PACS2: variants seen among roughly 807,000 people sequenced by gnomAD.
PACS2 encodes the protein PACS1-like protein.
A neutral mutation model predicts 113.0 loss-of-function variants in PACS2; 36 were observed. The ratio of observed to expected loss-of-function variants is 0.32; its 90% CI spans 0.24 to 0.42. The LOEUF is 0.42. PACS2 is among the 10% of genes least tolerant of loss of function. PACS2 has a pLI of 1.00. For missense variants in PACS2, 1,015 were observed against 1,239.5 expected (o/e 0.82, Z 2.72); for synonymous variants, 589 against 536.1 (o/e 1.10, Z -1.36).
At position 105,348,386 on chromosome 14, in the gene PACS2, G is replaced by C; in HGVS notation, c.120-107G>C. 1.3e-6 allele frequency: 1 copy of C among 792,036 alleles called. No individual in the cohort carries two copies. The highest frequency in any genetic ancestry group is 2.1e-6 in the Non-Finnish European group (1 of 483,928). The allele number at this position is 792,036 out of a possible 1,614,324, so 49.1% of individuals were successfully genotyped here. A position where few individuals can be genotyped will look rare whatever the true frequency, so the allele number is the denominator to read the frequency against. ...CGCCCAGGCAGTCACACCCCGCCCT[G>C]CACCCCAGGGTGCAGGCTCCCGGGG... is the stretch of plus-strand genomic sequence containing the variant. On this transcript the variant is annotated intron_variant, in intron 1 of 24. Coordinates refer to ENST00000447393, the MANE Select transcript of PACS2 (RefSeq NM_001100913.3). The surrounding 1 kb of genome is among the most constrained non-coding windows in gnomAD (Gnocchi z 6.4).
In PACS2 at chr14:105,309,249, C is replaced by G. The variant is rs768907321; in HGVS notation, c.-83+8270C>G. On this transcript the variant is annotated intron_variant, in intron 1 of 23. Coordinates refer to the PACS2 transcript ENST00000430725. This position sits in a 1 kb window ranked among gnomAD's most constrained non-coding sequence, Gnocchi z 4.0. ...TTTATGCATCAAGGTCCCTCTTAAT[C>G]TTGGGGCTCAGGATAACCACAGTCA... 5.9e-5 allele frequency among the ~76,000 whole-genome samples: 9 copies of G among 152,194 alleles called. No homozygotes were observed. Among genetic ancestry groups the G allele is most frequent in the Non-Finnish European group, 8.8e-5 (6 of 68,040 alleles).
intron 8 of PACS2, among the ~76,000 whole-genome samples, chr14:105,374,416 A>G (rs1171752550): frequency 6.6e-6 from 1 of 152,226 alleles, no homozygotes; most frequent in Admixed American, 6.5e-5. Context: ...TATATGTGAT[A>G]AGGGGCTTGA....
At chr14:105,318,385 G>C (rs2140814214) in intron 1 of PACS2, among the ~76,000 whole-genome samples, 2 of 152,254 alleles carry the variant, frequency 1.3e-5, no homozygotes, top group Non-Finnish European at 2.9e-5. Context: ...GGCTCAAGCA[G>C]TCCTCCCACA....
upstream of PACS2, among the ~76,000 whole-genome samples, chr14:105,310,347 G>A (rs1023346849): frequency 1.3e-5 from 2 of 151,182 alleles, no homozygotes; most frequent in Non-Finnish European, 1.5e-5. Flanking sequence ...TGGCTAACAC[G>A]GTGAAACCCC....
At chr14:105,372,137 T>A (rs2061178469) in intron 8 of PACS2, 1 of 152,306 alleles carries the variant, frequency 6.6e-6, no homozygotes, top group African/African-American at 2.4e-5. Context: ...TGTGCCCAGG[T>A]GCCACACAGT....
At chr14:105,316,670 T>C (rs2058655140) in intron 1 of PACS2, among the ~76,000 whole-genome samples, 1 of 151,338 alleles carries the variant, frequency 6.6e-6, no homozygotes, top group Non-Finnish European at 1.5e-5. Context: ...TCTCCAGGGG[T>C]CTAGAAAGCC....
At chr14:105,319,963 C>T (rs117496743) in intron 1 of PACS2, among the ~76,000 whole-genome samples, 5,920 of 152,260 alleles carry the variant, frequency 0.039, 147 homozygotes, top group Non-Finnish European at 0.053. Context: ...TGGTAAATTA[C>T]ATAAATTGAT....
At chr14:105,344,610 C>G (rs905682895) in intron 1 of PACS2, among the ~76,000 whole-genome samples, 3 of 152,090 alleles carry the variant, frequency 2.0e-5, no homozygotes, top group Non-Finnish European at 4.4e-5. Flanking sequence ...GTAGTGCTTT[C>G]CTTCTTTTAC....
rs1459269292 is a variant in PACS2 at position 105,317,125 on chromosome 14, C to G, written c.119+2088C>G. ...GTTCTTCTGTACTCCTCACTTTTGC[C>G]CAGCCATGAAGCTTCTGGGCTGCGT... is the stretch of plus-strand genomic sequence containing the variant. On this transcript the variant is annotated intron_variant, in intron 1 of 24. Coordinates refer to ENST00000447393, the MANE Select transcript of PACS2 (RefSeq NM_001100913.3). The surrounding 1 kb of genome is among the most constrained non-coding windows in gnomAD (Gnocchi z 4.2). Among the ~76,000 whole-genome samples the G allele has an allele frequency of 6.6e-6, 1 of 152,180 alleles. No homozygotes were observed. Among genetic ancestry groups the G allele is most frequent in the Non-Finnish European group, 1.5e-5 (1 of 68,022 alleles).
intron 1 of PACS2, among the ~76,000 whole-genome samples, chr14:105,343,216 G>A (rs187450655): frequency 3.3e-5 from 5 of 152,276 alleles, no homozygotes; most frequent in African/African-American, 9.6e-5. Context: ...ATCCTATCAC[G>A]TATCGATCTG....
intron 11 of PACS2, among the ~76,000 whole-genome samples, chr14:105,380,692 C>G (rs2080960474): frequency 1.3e-5 from 2 of 152,206 alleles, no homozygotes; most frequent in South Asian, 4.1e-4. Context: ...TGCATGGGGT[C>G]TCCTCAGTTA....
rs961437263 is a variant in PACS2, at chr14:105,357,474, C to T, written c.423+2297C>T. On this transcript the variant is annotated intron_variant, in intron 4 of 24. Transcript: ENST00000447393. The surrounding 1 kb of genome is among the most constrained non-coding windows in gnomAD (Gnocchi z 5.1). ...TGCTCCTCGCTCTCCCCTCCAGCAT[C>T]TCCTCCAGGCCCTCGGGGCATCCTT... Among the ~76,000 whole-genome samples the T allele has an allele frequency of 2.6e-5, 4 of 152,164 alleles. No homozygotes were observed. Among genetic ancestry groups the T allele is most frequent in the African/African-American group, 4.8e-5 (2 of 41,434 alleles).
chr14:105,324,005 C>T lies in PACS2; in HGVS notation c.119+8968C>T, dbSNP rs2058998935. 6.6e-6 allele frequency among the ~76,000 whole-genome samples: 1 copy of T among 152,386 alleles called. No homozygotes were observed. The highest frequency in any genetic ancestry group is 2.1e-4 in the South Asian group (1 of 4,832). On this transcript the variant is annotated intron_variant, in intron 1 of 24. Coordinates refer to ENST00000447393, the MANE Select transcript of PACS2 (RefSeq NM_001100913.3). The surrounding 1 kb of genome is among the most constrained non-coding windows in gnomAD (Gnocchi z 4.7). ...TGGCAGCTCTGTCCTGCTGTCAACA[C>T]TGGAGTCACATGTCAGTGGGTCTCC...
chr14:105,352,411 G>A lies in PACS2; in HGVS notation c.241G>A (p.Val81Met), dbSNP rs1209362754. Residue 81 changes from valine to methionine, a missense_variant, in exon 3 of 25, where the codon GTG becomes ATG. By Grantham distance (21) the Val-to-Met change is conservative. Around this residue, in one of 3 missense-constraint regions of PACS2, gnomAD observed 140 missense variants for 135.1 expected, o/e 1.04. Transcript: ENST00000447393. The stretch of plus-strand genomic sequence containing the variant: ...ACGAATCCTGCGGTCCCATGAGATT[G>A]TGCTGCCCCCCAGTGGACAAGTGGA... The part of the protein sequence containing the change: ...SKRILRSHEI[V>M]LPPSGQVETD... The A allele has an allele frequency of 5.6e-6, 9 of 1,612,960 alleles. No homozygotes were observed. Among genetic ancestry groups the A allele is most frequent in the Middle Eastern group, 3.3e-4 (2 of 6,074 alleles).
chr14:105,312,363 A>C (rs1340632223), upstream of PACS2, among the ~76,000 whole-genome samples: 1 of 152,072 alleles, frequency 6.6e-6, no homozygotes, highest in African/African-American at 2.4e-5. Flanking sequence ...ACCTCCGGGG[A>C]CCCCGGGCAG....
At chr14:105,392,298 G>A (rs1252402480) in intron 22 of PACS2, 5 of 393,412 alleles carry the variant, frequency 1.3e-5, no homozygotes, top group Admixed American at 4.3e-5. Flanking sequence ...TCCAGCCGCC[G>A]GCTCCTTCCA....
chr14:105,353,778 G>C (rs1227141801), intron 3 of PACS2, among the ~76,000 whole-genome samples: 5 of 151,814 alleles, frequency 3.3e-5, no homozygotes, highest in African/African-American at 1.2e-4. Flanking sequence ...ATCTTTAGTT[G>C]AGACGGGGTT....
At chr14:105,318,242 C>T (rs115630268) in intron 1 of PACS2, among the ~76,000 whole-genome samples, 2,079 of 152,252 alleles carry the variant, frequency 0.014, 52 homozygotes, top group African/African-American at 0.047. Flanking sequence ...CTCGGCCTCC[C>T]GAAGTGCTGA....
intron 1 of PACS2, among the ~76,000 whole-genome samples, chr14:105,321,971 G>A (rs1036788739): frequency 2.0e-5 from 3 of 149,722 alleles, no homozygotes; most frequent in Non-Finnish European, 3.0e-5. Context: ...ACAGAGTCTC[G>A]CTGTGTCGCC....
Sources: gnomAD v4.1 joint callset for allele counts (sites outside exome capture counted in the v4.1 genomes callset) on GRCh38, gnomAD v4.1.1 for gene constraint, gnomAD v4.1.1 regional missense constraint, Gnocchi (gnomAD v3.1) non-coding constraint, MANE v1.5 for transcripts, NCBI Gene and HGNC (gene_info 2026-07-23, HGNC 2026-07-21) for gene names.